ZSCAN5A: variants seen among roughly 807,000 people sequenced by gnomAD.
ZSCAN5A encodes the protein zinc finger and SCAN domain containing 5A.
ZSCAN5A carries 12 observed loss-of-function variants against 23.7 expected under a neutral mutation model. The ratio of observed to expected loss-of-function variants is 0.51; its 90% CI spans 0.32 to 0.82. The LOEUF is 0.82. Ranked by LOEUF, ZSCAN5A falls within the 40% of genes least tolerant of loss-of-function variation. The pLI is 0.03. For missense variants in ZSCAN5A, 597 were observed against 617.9 expected (o/e 0.97, Z 0.36); for synonymous variants, 257 against 239.9 (o/e 1.07, Z -0.66).
At chr19:56,281,226 G>A (rs2038673320) in intron 2 of ZSCAN5A, among the ~76,000 whole-genome samples, 1 of 152,130 alleles carries the variant, frequency 6.6e-6, no homozygotes, top group South Asian at 2.1e-4. Context: ...TGAGTAGGCT[G>A]ACCAGAAGAA....
chr19:56,240,610 G>A (rs2035358733), intron 2 of ZSCAN5A, among the ~76,000 whole-genome samples: 1 of 150,222 alleles, frequency 6.7e-6, no homozygotes, highest in South Asian at 2.2e-4. Flanking sequence ...GAAAGATTTG[G>A]GTTTATTTTC....
chr19:56,319,387 C>T (rs1343360519), upstream of ZSCAN5A, among the ~76,000 whole-genome samples: 1 of 150,394 alleles, frequency 6.6e-6, no homozygotes, highest in Non-Finnish European at 1.5e-5. Context: ...TCCTCACTAC[C>T]CGGGGGGCTG....
intron 2 of ZSCAN5A, among the ~76,000 whole-genome samples, chr19:56,304,169 A>G (rs1057373090): frequency 6.6e-6 from 1 of 152,264 alleles, no homozygotes; most frequent in East Asian, 1.9e-4. Flanking sequence ...ACACACTGAG[A>G]GGAGGCCCGA....
intron 2 of ZSCAN5A, among the ~76,000 whole-genome samples, chr19:56,361,614 C>A (rs1233315305): frequency 6.6e-6 from 1 of 152,130 alleles, no homozygotes; most frequent in Non-Finnish European, 1.5e-5. Flanking sequence ...AACAGGAAAT[C>A]AAACACTGCA....
intron 2 of ZSCAN5A, among the ~76,000 whole-genome samples, chr19:56,255,507 A>G (rs2036633457): frequency 6.6e-6 from 1 of 151,422 alleles, no homozygotes; most frequent in Non-Finnish European, 1.5e-5. Context: ...GCCCAGTGCA[A>G]CTCTCCACCT....
intron 2 of ZSCAN5A, among the ~76,000 whole-genome samples, chr19:56,303,818 C>T (rs1313407997): frequency 2.3e-5 from 2 of 88,826 alleles, no homozygotes; most frequent in Non-Finnish European, 3.9e-5. Flanking sequence ...GGGCAGGTAA[C>T]GTCTGGACAT....
chr19:56,261,782 T>C (rs1195710297), intron 2 of ZSCAN5A, among the ~76,000 whole-genome samples: 4 of 152,250 alleles, frequency 2.6e-5, no homozygotes, highest in Admixed American at 2.0e-4. Flanking sequence ...AGAGCTTAAA[T>C]AACAATTCAA....
chr19:56,334,908 C>T (rs1164694502), intron 2 of ZSCAN5A, among the ~76,000 whole-genome samples: 1 of 152,226 alleles, frequency 6.6e-6, no homozygotes, highest in African/African-American at 2.4e-5. Context: ...CAAATGACCA[C>T]ATCACCTCTC....
Position 56,285,613 on chromosome 19 carries a change from TTTTG to T in ZSCAN5A, c.-128+27666_-128+27669del, listed in dbSNP as rs1011493732. On this transcript the variant is annotated intron_variant, in intron 2 of 5. Coordinates refer to ENST00000683990, the MANE Select transcript of ZSCAN5A (RefSeq NM_001322064.3). The stretch of plus-strand genomic sequence containing the variant: ...GGGATTCCTAACATATTTTGATTTG[TTTTG>T]TTTGTTTTAATTTTTAAATTATTAT... 1.2e-4 allele frequency among the ~76,000 whole-genome samples: 18 copies of T among 152,238 alleles called. No homozygotes were observed. In the East Asian group the frequency reaches 1.3e-3, roughly 11 times the overall value.
At chr19:56,331,285 T>A (rs2041486123) in intron 2 of ZSCAN5A, among the ~76,000 whole-genome samples, 1 of 152,078 alleles carries the variant, frequency 6.6e-6, no homozygotes, top group South Asian at 2.1e-4. Flanking sequence ...TTCAGGCTAT[T>A]CTTTGGTTTT....
chr19:56,246,760 G>C, intron 2 of ZSCAN5A: 1 of 1,568,882 alleles, frequency 6.4e-7, no homozygotes, highest in Non-Finnish European at 8.7e-7. Flanking sequence ...GGAGGGGAAG[G>C]AACCCAAAAA....
intron 2 of ZSCAN5A, among the ~76,000 whole-genome samples, chr19:56,344,937 A>T (rs1460587377): frequency 8.1e-6 from 1 of 123,818 alleles, no homozygotes; most frequent in Non-Finnish European, 1.7e-5. Flanking sequence ...AAAAAAAAAG[A>T]AAAAAAAGAT....
chr19:56,304,867 T>A, intron 2 of ZSCAN5A: 1 of 888,088 alleles, frequency 1.1e-6, no homozygotes, highest in Non-Finnish European at 1.3e-6. Context: ...TTCCCACCGC[T>A]GGGGTGGGGT....
intron 2 of ZSCAN5A, chr19:56,321,939 C>T: frequency 2.6e-6 from 2 of 781,112 alleles, no homozygotes; most frequent in South Asian, 2.7e-5. Context: ...TTCATCATGG[C>T]CTTCTGAAGA....
intron 2 of ZSCAN5A, among the ~76,000 whole-genome samples, chr19:56,337,096 ACT>A (rs1048172939): frequency 1.3e-5 from 2 of 151,916 alleles, no homozygotes; most frequent in African/African-American, 4.8e-5. Flanking sequence ...GAGAACCACT[ACT>A]CTCTTCAAAG....
chr19:56,290,630 G>A (rs979880631), intron 2 of ZSCAN5A, among the ~76,000 whole-genome samples: 8 of 152,138 alleles, frequency 5.3e-5, no homozygotes, highest in African/African-American at 1.4e-4. Flanking sequence ...AGGCTGTGGT[G>A]GGAGGAAGGC....
At chr19:56,225,790 G>A (rs1037025147) in intron 2 of ZSCAN5A, among the ~76,000 whole-genome samples, 1 of 151,860 alleles carries the variant, frequency 6.6e-6, no homozygotes, top group Admixed American at 6.6e-5. Flanking sequence ...CATTACCACT[G>A]TTTACTTCCA....
chr19:56,258,196 A>G (rs1368207260), intron 2 of ZSCAN5A, among the ~76,000 whole-genome samples: 1 of 152,218 alleles, frequency 6.6e-6, no homozygotes, highest in African/African-American at 2.4e-5. Context: ...TCTTGGTGCT[A>G]TAACAGGGTA....
At chr19:56,348,603 A>C (rs892150150) in intron 2 of ZSCAN5A, among the ~76,000 whole-genome samples, 1 of 152,222 alleles carries the variant, frequency 6.6e-6, no homozygotes, top group African/African-American at 2.4e-5. Context: ...AGGGAAAGGC[A>C]GCTAACATTT....
Sources: allele counts gnomAD v4.1 joint callset (sites outside exome capture counted in the v4.1 genomes callset), GRCh38; gene constraint gnomAD v4.1.1; transcripts MANE v1.5; gene names NCBI Gene and HGNC (gene_info 2026-07-23, HGNC 2026-07-21).